The following ADAMTSL2 variants were observed in gnomAD, a reference collection of about 807,000 sequenced individuals.
ADAMTSL2 encodes the protein ADAMTS like 2, also known as ADAMTS-like protein 2.
A neutral mutation model predicts 117.0 loss-of-function variants in ADAMTSL2; 55 were observed. The ratio of observed to expected loss-of-function variants is 0.47; its 90% CI spans 0.38 to 0.59. The LOEUF is 0.59. Among genes scored for constraint, ADAMTSL2 ranks in the 20% least tolerant of loss-of-function variants. The pLI is 0.00. For synonymous variants in ADAMTSL2, 572 were observed against 566.4 expected, an observed-to-expected ratio of 1.01 and a Z score of -0.14; for missense variants, 1,182 against 1,354.5, an observed-to-expected ratio of 0.87 and a Z score of 2.00.
At chr9:133,547,259 G>C (rs1564498954) in intron 9 of ADAMTSL2, 46 bp downstream of exon 9, 1 of 1,586,856 alleles carries the variant, frequency 6.3e-7, no homozygotes, top group Non-Finnish European at 8.6e-7. Flanking sequence ...CCTGGGCACT[G>C]TTTCCCCAGA....
intron 12 of ADAMTSL2, among the ~76,000 whole-genome samples, chr9:133,564,811 C>T (rs1044567283): frequency 6.6e-6 from 1 of 151,890 alleles, no homozygotes; most frequent in Non-Finnish European, 1.5e-5. Context: ...GCAGAAATAA[C>T]AGAGTCAGGG....
chr9:133,534,445 C>T, upstream of ADAMTSL2: 1 of 319,578 alleles, frequency 3.1e-6, no homozygotes, highest in Non-Finnish European at 5.6e-6. Context: ...CCAGCGGCTG[C>T]TCCGTCTGGA....
intron 5 of ADAMTSL2, among the ~76,000 whole-genome samples, chr9:133,540,245 T>C (rs1455535226): frequency 2.6e-5 from 4 of 152,208 alleles, no homozygotes; most frequent in African/African-American, 9.7e-5. Context: ...ACAGTGTAAA[T>C]GCTTCATCCT....
At position 133,570,385 on chromosome 9, in the gene ADAMTSL2, C is replaced by A; in HGVS notation, c.2470C>A (p.Leu824Met). Residue 824 changes from leucine to methionine, a missense_variant, in exon 17 of 19, where the codon CTG (leucine) becomes ATG (methionine). Coordinates refer to ENST00000651351, the MANE Select transcript of ADAMTSL2 (RefSeq NM_014694.4). ...GAAGCGGCTGGTGCTCTGCATGGAG[C>A]TGGCCAACGGGAAGCCGCAGACGCG... ...VKKRLVLCMELANGKPQTRSG... is the reference protein window; with the variant it reads ...VKKRLVLCMEMANGKPQTRSG... The A allele has an allele frequency of 1.3e-6, 2 of 1,565,414 alleles. No individual in the cohort carries two copies. The highest frequency in any genetic ancestry group is 2.3e-5 in the South Asian group (2 of 85,308).
intron 11 of ADAMTSL2, among the ~76,000 whole-genome samples, chr9:133,559,832 C>T (rs1830687458): frequency 1.3e-5 from 2 of 152,168 alleles, no homozygotes; most frequent in Non-Finnish European, 2.9e-5. Context: ...GCCTTGGTCC[C>T]CATGCCTTCT....
At chr9:133,544,263 GA>G (rs1830295520) in intron 7 of ADAMTSL2, among the ~76,000 whole-genome samples, 1 of 152,184 alleles carries the variant, frequency 6.6e-6, no homozygotes, top group African/African-American at 2.4e-5. Context: ...GCCTTGGTAG[GA>G]AGGGGTGAGC....
intron 16 of ADAMTSL2, 38 bp downstream of exon 16, chr9:133,569,616 T>G: frequency 1.9e-6 from 3 of 1,548,468 alleles, no homozygotes; most frequent in Non-Finnish European, 2.6e-6. Context: ...CCTCCTGGTA[T>G]CTGGAGAGCA....
intron 15 of ADAMTSL2, 110 bp downstream of exon 15, chr9:133,568,868 A>G: frequency 7.1e-7 from 1 of 1,413,290 alleles, no homozygotes; most frequent in Non-Finnish European, 9.8e-7. Context: ...GTGTGAGGTC[A>G]AGAATGTCCA....
At position 133,562,630 on chromosome 9, in the gene ADAMTSL2, G is replaced by A. The variant is rs1281747040; in HGVS notation, c.1747+1335G>A. On this transcript the variant is annotated intron_variant, in intron 12 of 18. Coordinates refer to ENST00000651351, the MANE Select transcript of ADAMTSL2 (RefSeq NM_014694.4). ...GCGTGGCGGGCACCCGGCTGGGCCC[G>A]GTTCGCACCGCCGTGGGCGGCGTGG... Among the ~76,000 whole-genome samples, 3 of 119,436 alleles carry A rather than the reference G, an allele frequency of 2.5e-5. 1 individual carries two copies. The highest frequency in any genetic ancestry group is 9.5e-5 in the African/African-American group (3 of 31,660). 78.4% of individuals were successfully genotyped at this position (119,436 alleles called of 152,430 possible). A position where few individuals can be genotyped will look rare whatever the true frequency, so the allele number is the denominator to read the frequency against.
In ADAMTSL2 at chr9:133,575,515, C is replaced by G. The variant is rs1250576564; in HGVS notation, c.*651C>G. The stretch of plus-strand genomic sequence containing the variant: ...GTTAATAAAGTGGTCCTATTTATGG[C>G]GGCATCATGGGGTCTCAGTTGCCTC... On this transcript the variant is annotated 3_prime_UTR_variant, in exon 19 of 19. Transcript: ENST00000651351. 6.5e-6 allele frequency: 1 copy of G among 153,552 alleles called. No homozygotes were observed. Among genetic ancestry groups the G allele is most frequent in the Non-Finnish European group, 1.4e-5 (1 of 69,010 alleles). 9.5% of individuals were successfully genotyped at this position (153,552 alleles called of 1,614,324 possible). A position where few individuals can be genotyped will look rare whatever the true frequency, so the allele number is the denominator to read the frequency against.
Position 133,538,544 on chromosome 9 carries a change from A to G in ADAMTSL2, c.309+120A>G, listed in dbSNP as rs1830110928. 5 of 1,134,794 alleles carry G rather than the reference A, an allele frequency of 4.4e-6. No homozygotes were observed. In the African/African-American group the frequency reaches 6.1e-5, roughly 14 times the overall value. 70.3% of individuals were successfully genotyped at this position (1,134,794 alleles called of 1,614,324 possible). On this transcript the variant is annotated intron_variant, in intron 4 of 18. Coordinates refer to ENST00000651351, the MANE Select transcript of ADAMTSL2 (RefSeq NM_014694.4). ...GCATTCTGTTGTGGGCTGCTCTTCA[A>G]GGAGAGCCCAGGAGCAGGGTTGAGA...
At position 133,554,772 on chromosome 9, in the gene ADAMTSL2, A is replaced by G. The variant is rs1439984992; in HGVS notation, c.1276+79A>G. On this transcript the variant is annotated intron_variant, in intron 10 of 18. Transcript: ENST00000651351. The surrounding 1 kb of genome is among the most constrained non-coding windows in gnomAD (Gnocchi z 5.2). ...GGGGGCCTTGGGGAAGGGGTCTCAG[A>G]CCCTTTGCAGACCTGCAGAGGAGGT... The G allele has an allele frequency of 7.7e-7, 1 of 1,294,774 alleles. No homozygotes were observed. Among genetic ancestry groups the G allele is most frequent in the Non-Finnish European group, 1.0e-6 (1 of 964,252 alleles). 80.2% of individuals were successfully genotyped at this position (1,294,774 alleles called of 1,614,324 possible).
chr9:133,539,543 G>C (rs1039823789), intron 4 of ADAMTSL2, among the ~76,000 whole-genome samples: 2 of 130,762 alleles, frequency 1.5e-5, no homozygotes, highest in Admixed American at 7.8e-5. Context: ...AGTAGGCGGA[G>C]GGCTGGCGTG....
At chr9:133,549,873 C>T (rs1830442838) in intron 9 of ADAMTSL2, among the ~76,000 whole-genome samples, 1 of 152,232 alleles carries the variant, frequency 6.6e-6, no homozygotes, top group African/African-American at 2.4e-5. Flanking sequence ...AGACCACAGA[C>T]CCCAGAGCTG....
In ADAMTSL2 at chr9:133,567,004, G is replaced by T; in HGVS notation, c.1816G>T (p.Ala606Ser). 1 of 1,611,284 alleles carries T rather than the reference G, an allele frequency of 6.2e-7. No homozygotes were observed. The highest frequency in any genetic ancestry group is 1.3e-5 in the African/African-American group (1 of 75,014). The change falls in exon 13 of 19, where the codon GCC becomes TCC. Residue 606 changes from alanine to serine, a missense_variant. Transcript: ENST00000651351. Reference sequence around the variant, plus strand: ...CGAGGTGGATGACAGCTACTGTGACGCCCTGACCCGTCCCGAGCCTGTCCA... The same window carrying T: ...CGAGGTGGATGACAGCTACTGTGACTCCCTGACCCGTCCCGAGCCTGTCCA... ...GVEVDDSYCD[A>S]LTRPEPVHEF... is the part of the protein sequence containing the mutation.
Position 133,568,257 on chromosome 9 carries a change from T to C in ADAMTSL2, c.1875-16T>C. ...CCATGGGGGGGATCATTGAAGGCCA[T>C]CCGCTCCCGGGGCAGGTGGGAGACG... is the stretch of plus-strand genomic sequence containing the variant. On this transcript the variant is annotated splice_polypyrimidine_tract_variant and intron_variant, in intron 13 of 18. Transcript: ENST00000651351. 6.4e-7 allele frequency: 1 copy of C among 1,552,368 alleles called. No individual in the cohort carries two copies. Among genetic ancestry groups the C allele is most frequent in the Non-Finnish European group, 8.7e-7 (1 of 1,150,856 alleles).
At position 133,536,613 on chromosome 9, in the gene ADAMTSL2, G is replaced by A. The variant is rs1564490982; in HGVS notation, c.-100G>A. On this transcript the variant is annotated 5_prime_UTR_variant, in exon 2 of 19. An upstream open reading frame in the 5' UTR gains an earlier in-frame stop. Coordinates refer to ENST00000651351, the MANE Select transcript of ADAMTSL2 (RefSeq NM_014694.4). ...TAGTCCCAGATAACCTTGAGGCCTGGGCACTGGCTGGGCCCCGAGGGCTCT... is the reference window on the plus strand; with the variant it reads ...TAGTCCCAGATAACCTTGAGGCCTGAGCACTGGCTGGGCCCCGAGGGCTCT... 1.2e-6 allele frequency: 2 copies of A among 1,613,132 alleles called. No homozygotes were observed. Among genetic ancestry groups the A allele is most frequent in the Admixed American group, 1.7e-5 (1 of 59,864 alleles).
intron 4 of ADAMTSL2, among the ~76,000 whole-genome samples, chr9:133,538,801 C>T (rs1830118265): frequency 6.6e-6 from 1 of 152,162 alleles, no homozygotes; most frequent in South Asian, 2.1e-4. Context: ...TCCCATGAAA[C>T]AGTACCCCCC....
At chr9:133,568,788 G>T (rs1019684115) in intron 15 of ADAMTSL2, 30 bp downstream of exon 15, 2 of 1,612,502 alleles carry the variant, frequency 1.2e-6, no homozygotes, top group African/African-American at 1.3e-5. Context: ...GTGGCTGGGC[G>T]TGCGGCTGGT....
Sources: gnomAD v4.1 joint callset for allele counts (sites outside exome capture counted in the v4.1 genomes callset) on GRCh38, gnomAD v4.1.1 for gene constraint, Gnocchi (gnomAD v3.1) non-coding constraint, MANE v1.5 for transcripts, NCBI Gene and HGNC (gene_info 2026-07-23, HGNC 2026-07-21) for gene names.